PUS7L: variants seen among roughly 807,000 people sequenced by gnomAD.
PUS7L encodes pseudouridylate synthase PUS7L.
A neutral mutation model predicts 51.1 loss-of-function variants in PUS7L; 49 were observed. That is an observed-to-expected ratio of 0.96 (90% confidence interval 0.76 to 1.22). The LOEUF is 1.22. PUS7L is among the 50% of genes most tolerant of loss of function. The pLI is 0.00. For synonymous variants in PUS7L, 277 were observed against 276.2 expected (o/e 1.00, Z -0.03); for missense variants, 828 against 820.6 (o/e 1.01, Z -0.11).
At position 43,727,361 on chromosome 12, in the gene PUS7L, T is replaced by C. The variant is rs2137649444; in HGVS notation, c.*3015A>G. On this transcript the variant is annotated 3_prime_UTR_variant, in exon 9 of 9. Transcript: ENST00000344862. ...TATATACCCAAAGGAATATAAATTG[T>C]TCTACCATAAAGACCATGCACGCCT... The C allele has an allele frequency of 6.6e-6, 1 of 152,296 alleles. No individual in the cohort carries two copies. Among genetic ancestry groups the C allele is most frequent in the Middle Eastern group, 3.4e-3 (1 of 294 alleles). The allele number at this position is 152,296 out of a possible 1,614,324, so 9.4% of individuals were successfully genotyped here.
chr12:43,738,307 T>C lies in PUS7L; in HGVS notation c.1444+3A>G, dbSNP rs1266309867. On this transcript the variant is annotated splice_donor_region_variant and intron_variant, in intron 6 of 8. Coordinates refer to ENST00000344862, the MANE Select transcript of PUS7L (RefSeq NM_031292.5). ...TATGTACAGGATAAAGAAACGTAAA[T>C]ACCAGTTTGAAGAAAATACTTCTTT... The C allele has an allele frequency of 3.4e-6, 5 of 1,482,954 alleles. No homozygotes were observed. The highest frequency in any genetic ancestry group is 2.8e-5 in the African/African-American group (2 of 72,206). The allele number at this position is 1,482,954 out of a possible 1,614,324, so 91.9% of individuals were successfully genotyped here.
At chr12:43,742,159 G>A (rs1329493761) in intron 5 of PUS7L, among the ~76,000 whole-genome samples, 1 of 152,106 alleles carries the variant, frequency 6.6e-6, no homozygotes, top group African/African-American at 2.4e-5. Flanking sequence ...TTCTGGGATT[G>A]TAGGATCAAA....
At chr12:43,742,586 A>G (rs766650860) in intron 4 of PUS7L, 31 bp from the exon 5 acceptor site, 1 of 1,533,414 alleles carries the variant, frequency 6.5e-7, no homozygotes, top group Admixed American at 2.1e-5. Context: ...ACAAATTAAG[A>G]GTATATAAAT....
At chr12:43,736,787 G>T in intron 6 of PUS7L, 126 bp from the exon 7 acceptor site, 2 of 752,948 alleles carry the variant, frequency 2.7e-6, no homozygotes, top group Non-Finnish European at 4.2e-6. Flanking sequence ...AACACTTTCA[G>T]TTAAACCTAG....
chr12:43,743,518 C>CT (rs1938005260), intron 4 of PUS7L, among the ~76,000 whole-genome samples: 1 of 152,230 alleles, frequency 6.6e-6, no homozygotes, highest in Non-Finnish European at 1.5e-5. Flanking sequence ...AATCCCAGCA[C>CT]TTTGGGAGGC....
rs1001920580 is a variant in PUS7L, at chr12:43,727,560, T to C, written c.*2816A>G. 6.6e-6 allele frequency: 1 copy of C among 152,138 alleles called. No homozygotes were observed. Among genetic ancestry groups the C allele is most frequent in the Admixed American group, 6.5e-5 (1 of 15,278 alleles). 9.4% of individuals were successfully genotyped at this position (152,138 alleles called of 1,614,324 possible). A position where few individuals can be genotyped will look rare whatever the true frequency, so the allele number is the denominator to read the frequency against. ...ACATGGATGTAGCTGGAGGCCATTA[T>C]TGTAAGCAAATTAATGCAGGAACAG... is the stretch of plus-strand genomic sequence containing the variant. On this transcript the variant is annotated 3_prime_UTR_variant, in exon 9 of 9. Coordinates refer to ENST00000344862, the MANE Select transcript of PUS7L (RefSeq NM_031292.5).
rs1340049687 is a variant in PUS7L, at chr12:43,731,897, A to C, written c.1726-139T>G. The C allele has an allele frequency of 1.0e-5, 6 of 600,634 alleles. No individual in the cohort carries two copies. The Middle Eastern group carries it at 1.1e-3, about 111-fold the overall frequency. 37.2% of individuals were successfully genotyped at this position (600,634 alleles called of 1,614,324 possible). A position where few individuals can be genotyped will look rare whatever the true frequency, so the allele number is the denominator to read the frequency against. On this transcript the variant is annotated intron_variant, in intron 7 of 8. Coordinates refer to ENST00000344862, the MANE Select transcript of PUS7L (RefSeq NM_031292.5). ...TAAACCCAAACAAGATCTTATCATA[A>C]TTTGTTTCTGGAGGAGTAGACTACA... is the stretch of plus-strand genomic sequence containing the variant.
chr12:43,730,184 C>T lies in PUS7L; in HGVS notation c.*192G>A, dbSNP rs1944516454. 1.8e-6 allele frequency: 1 copy of T among 547,454 alleles called. No individual in the cohort carries two copies. Among genetic ancestry groups the T allele is most frequent in the Non-Finnish European group, 3.2e-6 (1 of 308,626 alleles). 33.9% of individuals were successfully genotyped at this position (547,454 alleles called of 1,614,324 possible). A position where few individuals can be genotyped will look rare whatever the true frequency, so the allele number is the denominator to read the frequency against. ...ACACAGGCTTTGGGGTCACATGGAC[C>T]TTAAATTTGGACCCTGACACTTACA... is the stretch of plus-strand genomic sequence containing the variant. On this transcript the variant is annotated 3_prime_UTR_variant, in exon 9 of 9. Transcript: ENST00000344862.
chr12:43,723,559 C>T lies in PUS7L; in HGVS notation c.*6817G>A, dbSNP rs924882541. On this transcript the variant is annotated 3_prime_UTR_variant, in exon 9 of 9. Coordinates refer to ENST00000344862, the MANE Select transcript of PUS7L (RefSeq NM_031292.5). ...TTTACCATTTAGTCTGCATATTCCACTTGCAAGTGGCATTTCAAATCAAAT... is the reference window on the plus strand; with the variant it reads ...TTTACCATTTAGTCTGCATATTCCATTTGCAAGTGGCATTTCAAATCAAAT... 6 of 152,060 alleles carry T rather than the reference C, an allele frequency of 3.9e-5. No individual in the cohort carries two copies. Among genetic ancestry groups the T allele is most frequent in the Admixed American group, 1.3e-4 (2 of 15,268 alleles). The allele number at this position is 152,060 out of a possible 1,614,324, so 9.4% of individuals were successfully genotyped here.
Position 43,726,755 on chromosome 12 carries a change from G to A in PUS7L, c.*3621C>T, listed in dbSNP as rs1944460141. Reference sequence around the variant, plus strand: ...GGGCAGGAGAATGGCTTGAACCCAGGAGGAGGAGGTTGCAGTGAGCCGAGA... The same window carrying A: ...GGGCAGGAGAATGGCTTGAACCCAGAAGGAGGAGGTTGCAGTGAGCCGAGA... On this transcript the variant is annotated 3_prime_UTR_variant, in exon 9 of 9. Coordinates refer to ENST00000344862, the MANE Select transcript of PUS7L (RefSeq NM_031292.5). The A allele has an allele frequency of 6.6e-6, 1 of 151,964 alleles. No homozygotes were observed. Among genetic ancestry groups the A allele is most frequent in the South Asian group, 2.1e-4 (1 of 4,824 alleles). 9.4% of individuals were successfully genotyped at this position (151,964 alleles called of 1,614,324 possible).
intron 4 of PUS7L, among the ~76,000 whole-genome samples, chr12:43,743,901 C>A (rs757625097): frequency 2.6e-5 from 4 of 152,134 alleles, no homozygotes; most frequent in Non-Finnish European, 4.4e-5. Context: ...ATTAACCCTT[C>A]AAAGTACTTA....
rs997856282 is a variant in PUS7L, at chr12:43,720,929, CA to C, written c.*9446del. On this transcript the variant is annotated 3_prime_UTR_variant, in exon 9 of 9. Transcript: ENST00000344862. ...CCTAACTGCATTCTATATGTGTCCT[CA>C]TCTATAAAATGAAAATAATAACAGT... 1.3e-5 allele frequency: 2 copies of C among 152,126 alleles called. No homozygotes were observed. The highest frequency in any genetic ancestry group is 4.8e-5 in the African/African-American group (2 of 41,428). 9.4% of individuals were successfully genotyped at this position (152,126 alleles called of 1,614,324 possible). A position where few individuals can be genotyped will look rare whatever the true frequency, so the allele number is the denominator to read the frequency against.
Position 43,754,909 on chromosome 12 carries a change from C to T in PUS7L, c.337G>A (p.Asp113Asn), listed in dbSNP as rs1270314170. The stretch of plus-strand genomic sequence containing the variant: ...TTTTCTTCACATTTGGAAGTTCCAT[C>T]AACGATAGTATCTTCCTTTTCTGAA... ...SGSEKEDTIV[D>N]GTSKCEEKAD... The change falls in exon 2 of 9, where the codon GAT becomes AAT. Residue 113 changes from aspartate to asparagine, a missense_variant. Physicochemically the swap from Asp to Asn is conservative, Grantham distance 23 (BLOSUM62 1). Coordinates refer to ENST00000344862, the MANE Select transcript of PUS7L (RefSeq NM_031292.5). 2 of 1,613,838 alleles carry T rather than the reference C, an allele frequency of 1.2e-6. No homozygotes were observed. Among genetic ancestry groups the T allele is most frequent in the South Asian group, 2.2e-5 (2 of 91,056 alleles).
At chr12:43,746,342 T>A (rs559116604) in intron 3 of PUS7L, 104 bp from the exon 4 acceptor site, 1 of 532,602 alleles carries the variant, frequency 1.9e-6, no homozygotes, top group African/African-American at 2.0e-5. Context: ...TATATGAGAA[T>A]ACTAATACAA....
At chr12:43,737,423 A>T (rs1937662993) in intron 6 of PUS7L, among the ~76,000 whole-genome samples, 1 of 152,118 alleles carries the variant, frequency 6.6e-6, no homozygotes, top group African/African-American at 2.4e-5. Flanking sequence ...ATAGCTGCAC[A>T]TATGTAATAT....
rs1475337742 is a variant in PUS7L at position 43,729,608 on chromosome 12, T to TA, written c.*767dup. 6.1e-6 allele frequency: 1 copy of TA among 163,816 alleles called. No homozygotes were observed. Among genetic ancestry groups the TA allele is most frequent in the African/African-American group, 2.4e-5 (1 of 42,040 alleles). 10.1% of individuals were successfully genotyped at this position (163,816 alleles called of 1,614,324 possible). ...CTATTATTTGTCATTTATGAAGTTG[T>TA]AATTGTCTTGATTCTATCAGTAACC... On this transcript the variant is annotated 3_prime_UTR_variant, in exon 9 of 9. Coordinates refer to ENST00000344862, the MANE Select transcript of PUS7L (RefSeq NM_031292.5).
At position 43,728,969 on chromosome 12, in the gene PUS7L, T is replaced by C. The variant is rs1304260159; in HGVS notation, c.*1407A>G. On this transcript the variant is annotated 3_prime_UTR_variant, in exon 9 of 9. Coordinates refer to ENST00000344862, the MANE Select transcript of PUS7L (RefSeq NM_031292.5). ...AAACTGGGTTAGTTTGTCTCCAATA[T>C]CTGTGCTTTTAATCACTATGCTAAC... The C allele has an allele frequency of 3.1e-6, 1 of 325,898 alleles. No individual in the cohort carries two copies. Among genetic ancestry groups the C allele is most frequent in the Non-Finnish European group, 5.6e-6 (1 of 179,698 alleles). 20.2% of individuals were successfully genotyped at this position (325,898 alleles called of 1,614,324 possible).
intron 2 of PUS7L, among the ~76,000 whole-genome samples, chr12:43,751,922 T>C (rs1263862904): frequency 6.6e-6 from 1 of 152,230 alleles, no homozygotes; most frequent in Non-Finnish European, 1.5e-5. Flanking sequence ...TATCTCATTG[T>C]GGTTTTGATT....
In PUS7L at chr12:43,721,228, G is replaced by A. The variant is rs182692554; in HGVS notation, c.*9148C>T. 6.6e-6 allele frequency: 1 copy of A among 152,230 alleles called. No individual in the cohort carries two copies. The highest frequency in any genetic ancestry group is 6.5e-5 in the Admixed American group (1 of 15,284). The allele number at this position is 152,230 out of a possible 1,614,324, so 9.4% of individuals were successfully genotyped here. On this transcript the variant is annotated 3_prime_UTR_variant, in exon 9 of 9. Transcript: ENST00000344862. ...TGCCCTTAAAACCAAAAAGGGCCAG[G>A]TTAGACTCTCTTTACAATCTAGAGG...
Sources: allele counts gnomAD v4.1 joint callset (sites outside exome capture counted in the v4.1 genomes callset), GRCh38; gene constraint gnomAD v4.1.1; transcripts MANE v1.5; gene names NCBI Gene and HGNC (gene_info 2026-07-23, HGNC 2026-07-21).